TRPM3: variants seen among roughly 807,000 people sequenced by gnomAD.
TRPM3 encodes transient receptor potential cation channel subfamily M member 3, also known as long transient receptor potential channel 3.
In TRPM3, 77 loss-of-function variants were observed where a neutral mutation model predicts 181.2. That is an observed-to-expected ratio of 0.42 (90% CI 0.35 to 0.51). The LOEUF is 0.51. Ranked by LOEUF, TRPM3 falls within the 20% of genes least tolerant of loss-of-function variation. TRPM3 has a pLI of 0.01. For synonymous variants in TRPM3, 745 were observed against 796.4 expected (o/e 0.94, Z 1.09); for missense variants, 1,759 against 2,196.7 (o/e 0.80, Z 3.98).
intron 1 of TRPM3, among the ~76,000 whole-genome samples, chr9:70,931,802 A>G (rs2096777892): frequency 6.6e-6 from 1 of 152,200 alleles, no homozygotes; most frequent in Admixed American, 6.5e-5. Flanking sequence ...TTTCTAGACT[A>G]TGAGCATATA....
At chr9:70,810,381 T>C (rs143976946) in intron 6 of TRPM3, among the ~76,000 whole-genome samples, 1 of 148,566 alleles carries the variant, frequency 6.7e-6, no homozygotes, top group Non-Finnish European at 1.5e-5. Flanking sequence ...GGTCCTCTTC[T>C]TGCCTCCAAC....
intron 1 of TRPM3, among the ~76,000 whole-genome samples, chr9:70,939,038 A>G (rs530939207): frequency 8.5e-5 from 13 of 152,212 alleles, no homozygotes; most frequent in Non-Finnish European, 1.3e-4. Flanking sequence ...ATAATACAAT[A>G]TCCTGTGCAA....
intron 1 of TRPM3, among the ~76,000 whole-genome samples, chr9:71,226,926 A>T (rs908961253): frequency 1.2e-4 from 18 of 151,998 alleles, no homozygotes; most frequent in African/African-American, 4.3e-4. Context: ...TAATCCAATG[A>T]CTGCAGAGTA....
At chr9:70,777,437 T>C (rs892927641) in intron 7 of TRPM3, among the ~76,000 whole-genome samples, 7 of 152,118 alleles carry the variant, frequency 4.6e-5, no homozygotes, top group Non-Finnish European at 1.0e-4. Flanking sequence ...ATTCTTCCCA[T>C]GTTGACACAA....
chr9:71,104,017 C>T (rs1409212219), intron 1 of TRPM3, among the ~76,000 whole-genome samples: 4 of 151,898 alleles, frequency 2.6e-5, no homozygotes, highest in Admixed American at 6.6e-5. Context: ...CTGGTTCAAG[C>T]GATTCTCCTG....
chr9:71,199,181 A>T (rs1044008585), intron 1 of TRPM3, among the ~76,000 whole-genome samples: 4 of 151,130 alleles, frequency 2.6e-5, no homozygotes, highest in Admixed American at 2.0e-4. Context: ...ACATTTATTG[A>T]TTTGCGTATA....
intron 1 of TRPM3, among the ~76,000 whole-genome samples, chr9:71,260,794 G>A (rs1565395530): frequency 6.6e-6 from 1 of 152,268 alleles, no homozygotes; most frequent in East Asian, 1.9e-4. Context: ...AGATGATCAG[G>A]TTTTCTAAAT....
At chr9:70,914,697 T>C (rs1462060298) in intron 1 of TRPM3, among the ~76,000 whole-genome samples, 1 of 152,146 alleles carries the variant, frequency 6.6e-6, no homozygotes, top group Non-Finnish European at 1.5e-5. Context: ...CTAGTGCTGG[T>C]GGTCACAGGA....
At chr9:70,986,277 T>C (rs569328476) in intron 1 of TRPM3, among the ~76,000 whole-genome samples, 1 of 152,246 alleles carries the variant, frequency 6.6e-6, no homozygotes, top group East Asian at 1.9e-4. Flanking sequence ...GGCAGGAAGA[T>C]CACTTGAATC....
At chr9:70,556,602 G>A (rs548981563) in intron 22 of TRPM3, among the ~76,000 whole-genome samples, 1 of 152,212 alleles carries the variant, frequency 6.6e-6, no homozygotes, top group Admixed American at 6.5e-5. Context: ...CACACCTGTA[G>A]TCACAGCTAC....
At chr9:71,259,022 C>A (rs995946817) in intron 1 of TRPM3, among the ~76,000 whole-genome samples, 1 of 152,084 alleles carries the variant, frequency 6.6e-6, no homozygotes, top group Admixed American at 6.6e-5. Context: ...TTAGGTATTT[C>A]TCCTAATGCT....
chr9:70,937,389 C>A (rs912310742), intron 1 of TRPM3, among the ~76,000 whole-genome samples: 3 of 152,108 alleles, frequency 2.0e-5, no homozygotes, highest in African/African-American at 7.2e-5. Context: ...TAAATGCAGT[C>A]TTTTCAAGTT....
At chr9:70,783,772 G>A in intron 7 of TRPM3, 4 of 907,540 alleles carry the variant, frequency 4.4e-6, no homozygotes, top group Non-Finnish European at 4.0e-6. Flanking sequence ...TGCTTCATGT[G>A]TTAAAACTCA....
intron 1 of TRPM3, among the ~76,000 whole-genome samples, chr9:71,093,393 A>T (rs757847222): frequency 5.9e-5 from 9 of 152,340 alleles, no homozygotes; most frequent in Admixed American, 1.3e-4. Context: ...TACAAGAAAA[A>T]AAAACAAACA....
At chr9:70,681,975 T>G (rs1013074330) in intron 8 of TRPM3, among the ~76,000 whole-genome samples, 2 of 152,186 alleles carry the variant, frequency 1.3e-5, no homozygotes, top group African/African-American at 4.8e-5. Context: ...GGCCTCTCCC[T>G]TCCACCTCCC....
chr9:70,988,252 T>C (rs574164558), intron 1 of TRPM3, among the ~76,000 whole-genome samples: 1 of 152,298 alleles, frequency 6.6e-6, no homozygotes, highest in East Asian at 1.9e-4. Flanking sequence ...TACATACTAA[T>C]GTTTGAGAAC....
At chr9:70,896,166 GTGTT>G (rs369641686) in intron 1 of TRPM3, among the ~76,000 whole-genome samples, 67 of 152,118 alleles carry the variant, frequency 4.4e-4, no homozygotes, top group Admixed American at 1.2e-3. Flanking sequence ...TCATAAAAAT[GTGTT>G]TGTTTGTTTG....
chr9:70,643,409 G>C lies in TRPM3; in HGVS notation c.1346-2749C>G, dbSNP rs1209755178. 2.6e-5 allele frequency among the ~76,000 whole-genome samples: 4 copies of C among 152,192 alleles called. No homozygotes were observed. In the East Asian group the frequency reaches 7.7e-4, roughly 29 times the overall value. ...AATAATAGCAGCACGAGCCTGAACAGGAACACATAGCAGGAAGCAGTTATT... is the reference window on the plus strand; with the variant it reads ...AATAATAGCAGCACGAGCCTGAACACGAACACATAGCAGGAAGCAGTTATT... On this transcript the variant is annotated intron_variant, in intron 9 of 25. Coordinates refer to ENST00000677713, the MANE Select transcript of TRPM3 (RefSeq NM_001366145.2).
chr9:70,650,602 C>T (rs185596750), intron 9 of TRPM3, among the ~76,000 whole-genome samples: 29 of 151,984 alleles, frequency 1.9e-4, no homozygotes, highest in African/African-American at 3.6e-4. Flanking sequence ...TTCATTTTTT[C>T]GGTTTCCTTC....
Sources: gnomAD v4.1 joint callset for allele counts (sites outside exome capture counted in the v4.1 genomes callset) on GRCh38, gnomAD v4.1.1 for gene constraint, MANE v1.5 for transcripts, NCBI Gene and HGNC (gene_info 2026-07-23, HGNC 2026-07-21) for gene names.